The following MXI1 variants were observed in gnomAD, a reference collection of about 807,000 sequenced individuals.
MXI1 encodes the protein MAX interactor 1, dimerization protein, also known as max-interacting protein 1.
A neutral mutation model predicts 36.9 loss-of-function variants in MXI1; 18 were observed. The observed-to-expected ratio is 0.49, with a 90% CI of 0.34 to 0.72. The LOEUF is 0.72. MXI1 is among the 30% of genes least tolerant of loss of function. MXI1 has a pLI of 0.01. For synonymous variants in MXI1, 160 were observed against 146.7 expected, an observed-to-expected ratio of 1.09 and a Z score of -0.65; for missense variants, 304 against 379.1, an observed-to-expected ratio of 0.80 and a Z score of 1.64.
chr10:110,273,269 G>T lies in MXI1; in HGVS notation c.438-5911G>T, dbSNP rs532301213. Among the ~76,000 whole-genome samples the T allele has an allele frequency of 7.9e-4, 120 of 151,736 alleles. 1 individual carries two copies. The highest frequency in any genetic ancestry group is 2.7e-3 in the African/African-American group (113 of 41,374). On this transcript the variant is annotated intron_variant, in intron 3 of 5. Coordinates refer to ENST00000332674, the MANE Select transcript of MXI1 (RefSeq NM_130439.3). The stretch of plus-strand genomic sequence containing the variant: ...TCACCGTGTTAGCCACAATGGTCTC[G>T]ATCTCCTGACCTCATGATCCGCCCG...
chr10:110,262,250 ACATGG>A (rs1856541627), intron 3 of MXI1, among the ~76,000 whole-genome samples: 1 of 152,160 alleles, frequency 6.6e-6, no homozygotes, highest in African/African-American at 2.4e-5. Flanking sequence ...ACAACTATTT[ACATGG>A]TATTCACATT....
intron 1 of MXI1, 112 bp downstream of exon 1, chr10:110,208,194 C>A: frequency 8.6e-7 from 1 of 1,156,456 alleles, no homozygotes; most frequent in Non-Finnish European, 1.2e-6. Context: ...ACATACACAT[C>A]CAGCCCTTGG....
intron 2 of MXI1, among the ~76,000 whole-genome samples, chr10:110,232,816 A>G (rs1433922581): frequency 6.6e-6 from 1 of 152,220 alleles, no homozygotes; most frequent in African/African-American, 2.4e-5. Context: ...TGTTAATGAT[A>G]CATTTGGAAA....
At chr10:110,268,317 T>C (rs1463357150) in intron 3 of MXI1, among the ~76,000 whole-genome samples, 3 of 152,220 alleles carry the variant, frequency 2.0e-5, no homozygotes, top group Non-Finnish European at 4.4e-5. Context: ...GAGCTGAGGC[T>C]GGAATCATAT....
At chr10:110,243,885 T>G (rs1430572167) in intron 2 of MXI1, among the ~76,000 whole-genome samples, 3 of 152,104 alleles carry the variant, frequency 2.0e-5, no homozygotes, top group African/African-American at 4.8e-5. Flanking sequence ...CTCAGGCAGT[T>G]TGGCCTTAGA....
At chr10:110,213,368 T>C (rs934942070) in intron 1 of MXI1, among the ~76,000 whole-genome samples, 6 of 152,254 alleles carry the variant, frequency 3.9e-5, no homozygotes, top group Non-Finnish European at 8.8e-5. Context: ...GTGCAGATGC[T>C]TCTTTCTGAA....
chr10:110,276,843 CTT>C (rs919282794), intron 3 of MXI1, among the ~76,000 whole-genome samples: 1 of 140,356 alleles, frequency 7.1e-6, no homozygotes. Context: ...CTTTTCTTTT[CTT>C]TTTTTTTTTT....
Position 110,285,137 on chromosome 10 carries a change from C to T in MXI1, c.*150C>T, listed in dbSNP as rs139187896. The T allele has an allele frequency of 0.015, 10,409 of 710,904 alleles. 108 individuals carry two copies. Among genetic ancestry groups the T allele is most frequent in the African/African-American group, 0.033 (1,794 of 54,062 alleles). The allele number at this position is 710,904 out of a possible 1,614,324, so 44.0% of individuals were successfully genotyped here. A position where few individuals can be genotyped will look rare whatever the true frequency, so the allele number is the denominator to read the frequency against. ...TACTTGAACAAAAGGGTCAGAGGAC[C>T]TGTATTTAAGCAAATACTTAGCAAA... On this transcript the variant is annotated 3_prime_UTR_variant, in exon 6 of 6. Transcript: ENST00000332674.
intron 3 of MXI1, among the ~76,000 whole-genome samples, chr10:110,260,420 TGTGTGTGTG>T (rs1856469621): frequency 2.9e-5 from 1 of 34,138 alleles, no homozygotes; most frequent in Admixed American, 4.3e-4. Context: ...GATACAGGTG[TGTGTGTGTG>T]TGTGTGTGTG....
At chr10:110,243,985 G>A (rs1325580167) in intron 2 of MXI1, among the ~76,000 whole-genome samples, 2 of 151,966 alleles carry the variant, frequency 1.3e-5, no homozygotes, top group Non-Finnish European at 2.9e-5. Context: ...TGAAATCATG[G>A]CTGCCACTTT....
chr10:110,263,628 C>T (rs566374572), intron 3 of MXI1, among the ~76,000 whole-genome samples: 2 of 152,306 alleles, frequency 1.3e-5, no homozygotes, highest in East Asian at 3.9e-4. Flanking sequence ...ATACAAGTAT[C>T]TGGCCCTTGA....
At chr10:110,230,360 C>T (rs1006404750) in intron 2 of MXI1, among the ~76,000 whole-genome samples, 1 of 152,122 alleles carries the variant, frequency 6.6e-6, no homozygotes, top group Non-Finnish European at 1.5e-5. Context: ...TGTGTTTTAG[C>T]ATAGCATGTC....
chr10:110,248,601 AG>A (rs1296952620), intron 3 of MXI1, among the ~76,000 whole-genome samples: 1 of 152,162 alleles, frequency 6.6e-6, no homozygotes, highest in African/African-American at 2.4e-5. Flanking sequence ...TAAGACTTTC[AG>A]GCTGGTTTCT....
intron 2 of MXI1, among the ~76,000 whole-genome samples, chr10:110,233,931 G>C (rs994086030): frequency 3.9e-5 from 6 of 152,268 alleles, no homozygotes; most frequent in African/African-American, 7.2e-5. Flanking sequence ...TCGATGAAAG[G>C]CATTTTTGTC....
At chr10:110,267,749 A>G (rs1023482654) in intron 3 of MXI1, among the ~76,000 whole-genome samples, 9 of 152,198 alleles carry the variant, frequency 5.9e-5, no homozygotes, top group Admixed American at 5.9e-4. Flanking sequence ...TGGGGCCCTT[A>G]GAATGTCCTT....
chr10:110,278,324 T>A (rs1355575102), intron 3 of MXI1, among the ~76,000 whole-genome samples: 1 of 152,156 alleles, frequency 6.6e-6, no homozygotes, highest in Non-Finnish European at 1.5e-5. Flanking sequence ...GAAGGATAGA[T>A]TAGAGAATGC....
chr10:110,256,228 T>G (rs2134418288), intron 3 of MXI1, among the ~76,000 whole-genome samples: 1 of 152,232 alleles, frequency 6.6e-6, no homozygotes, highest in Non-Finnish European at 1.5e-5. Context: ...TGTAAATCTT[T>G]ATGATGTTGC....
At chr10:110,256,812 T>A (rs112928525) in intron 3 of MXI1, among the ~76,000 whole-genome samples, 33 of 152,144 alleles carry the variant, frequency 2.2e-4, no homozygotes, top group African/African-American at 8.0e-4. Context: ...AAAAGTCCAC[T>A]GAGTTTGCAG....
chr10:110,228,061 AGAGTG>A, intron 1 of MXI1, 123 bp from the exon 2 acceptor site: 2 of 1,030,932 alleles, frequency 1.9e-6, no homozygotes, highest in Non-Finnish European at 2.9e-6. Flanking sequence ...CTAACCAAAA[AGAGTG>A]GAAACATTTT....
Sources: allele counts gnomAD v4.1 joint callset (sites outside exome capture counted in the v4.1 genomes callset), GRCh38; gene constraint gnomAD v4.1.1; transcripts MANE v1.5; gene names NCBI Gene and HGNC (gene_info 2026-07-23, HGNC 2026-07-21).